Variants in STAB1 observed in about 807,000 individuals in gnomAD.
STAB1 encodes stabilin 1.
In STAB1, 250 loss-of-function variants were observed where a neutral mutation model predicts 332.4. That is an observed-to-expected ratio of 0.75 (90% CI 0.68 to 0.84). STAB1 has a LOEUF of 0.84. Among genes scored for constraint, STAB1 ranks in the 40% least tolerant of loss-of-function variants. STAB1 has a pLI of 0.00. For missense variants in STAB1, 3,249 were observed against 3,489.7 expected (o/e 0.93, Z 1.74); for synonymous variants, 1,475 against 1,390.4 (o/e 1.06, Z -1.35).
chr3:52,507,572 A>G, intron 18 of STAB1, 41 bp from the exon 19 acceptor site: 1 of 1,590,386 alleles, frequency 6.3e-7, no homozygotes, highest in Non-Finnish European at 8.6e-7. Context: ...TAAATAAACA[A>G]TGACTAACCC....
At chr3:52,497,715 G>A (rs957887445) in intron 1 of STAB1, among the ~76,000 whole-genome samples, 28 of 152,138 alleles carry the variant, frequency 1.8e-4, no homozygotes, top group African/African-American at 6.3e-4. Flanking sequence ...TCCCAGCCTC[G>A]ATTCCATTTT....
rs770749097 is a variant in STAB1, at chr3:52,515,415, G to A, written c.3865-8G>A. 44 of 1,612,440 alleles carry A rather than the reference G, an allele frequency of 2.7e-5. No individual in the cohort carries two copies. Among genetic ancestry groups the A allele is most frequent in the South Asian group, 1.1e-4 (10 of 91,074 alleles). On this transcript the variant is annotated splice_region_variant and splice_polypyrimidine_tract_variant and intron_variant, in intron 36 of 68. Transcript: ENST00000321725. ...TGGCTGACCCCTCCTGCCTGTCCCC[G>A]TTTCCAGGACACACCCAGGAAGAGC...
In STAB1 at chr3:52,516,460, G is replaced by A. The variant is rs774994254; in HGVS notation, c.4240+9G>A. 1.2e-5 allele frequency: 19 copies of A among 1,613,502 alleles called. No individual in the cohort carries two copies. In the South Asian group the frequency reaches 2.0e-4, roughly 17 times the overall value. ...CCTCCGCTGTGACCAGAGTGAGTGGGTCCCAATGGGGAGGGGGCAGGTGGC... is the reference window on the plus strand; with the variant it reads ...CCTCCGCTGTGACCAGAGTGAGTGGATCCCAATGGGGAGGGGGCAGGTGGC... On this transcript the variant is annotated intron_variant, in intron 39 of 68. Coordinates refer to ENST00000321725, the MANE Select transcript of STAB1 (RefSeq NM_015136.3).
At chr3:52,501,343 C>T in intron 2 of STAB1, 41 bp downstream of exon 2, 1 of 1,597,154 alleles carries the variant, frequency 6.3e-7, no homozygotes, top group Non-Finnish European at 8.6e-7. Context: ...CAGGAGCATC[C>T]TGTGGGGTGG....
At chr3:52,515,936 G>A (rs1313759712) in intron 37 of STAB1, 107 bp from the exon 38 acceptor site, 1 of 1,276,306 alleles carries the variant, frequency 7.8e-7, no homozygotes, top group African/African-American at 1.5e-5. Context: ...CTGGGGTTCT[G>A]AGGGGTTTTG....
chr3:52,513,609 G>T, intron 30 of STAB1, 108 bp from the exon 31 acceptor site: 1 of 1,164,042 alleles, frequency 8.6e-7, no homozygotes, highest in Non-Finnish European at 1.2e-6. Flanking sequence ...CCAGCCTGCG[G>T]ACCACCTGTG....
rs776503035 is a variant in STAB1 at position 52,512,943 on chromosome 3, T to A, written c.3143T>A (p.Leu1048Gln). 1 of 1,610,442 alleles carries A rather than the reference T, an allele frequency of 6.2e-7. No homozygotes were observed. The highest frequency in any genetic ancestry group is 2.2e-5 in the East Asian group (1 of 44,826). The change falls in exon 29 of 69, where the codon CTG (leucine) becomes CAG (glutamine). Residue 1048 changes from leucine (L) to glutamine (Q), a missense_variant. Leu to Gln is a moderately radical substitution (Grantham distance 113, BLOSUM62 -2). Transcript: ENST00000321725. ...GCTTTCTGGCTGCAGCCAAGGACGC[T>A]GCCGAACCTGGTCAGGTGGGGCCGC... ...DRAFWLQPRT[L>Q]PNLVRAHFLQ... is the part of the protein sequence containing the mutation.
intron 18 of STAB1, among the ~76,000 whole-genome samples, chr3:52,507,282 T>C (rs991673356): frequency 2.0e-5 from 3 of 152,188 alleles, no homozygotes; most frequent in Admixed American, 2.0e-4. Context: ...TGACCTCAGG[T>C]GATCCGCCCA....
rs144421295 is a variant in STAB1 at position 52,520,227 on chromosome 3, C to G, written c.5436C>G (p.Asn1812Lys). The G allele has an allele frequency of 6.2e-7, 1 of 1,613,180 alleles. No homozygotes were observed. The highest frequency in any genetic ancestry group is 8.5e-7 in the Non-Finnish European group (1 of 1,180,030). Residue 1812 changes from asparagine (N) to lysine (K), a missense_variant, in exon 52 of 69, where the codon AAC becomes AAG. Physicochemically the swap from Asn to Lys is moderately conservative, Grantham distance 94. Coordinates refer to ENST00000321725, the MANE Select transcript of STAB1 (RefSeq NM_015136.3). ...NVEALASDLP[N>K]LGPLRTMHGT... ...AGGCCTTGGCATCTGACCTGCCCAA[C>G]CTGGGCCCACTTCGAACCATGCATG... is the stretch of plus-strand genomic sequence containing the variant.
chr3:52,502,374 T>C lies in STAB1; in HGVS notation c.487+146T>C, dbSNP rs1042298187. ...ACATCCCTTTCAGGAACATGTGCTT[T>C]GTTTTATCACACCTCCAGCCCTTTG... On this transcript the variant is annotated intron_variant, in intron 5 of 68. Coordinates refer to ENST00000321725, the MANE Select transcript of STAB1 (RefSeq NM_015136.3). 84 of 978,482 alleles carry C rather than the reference T, an allele frequency of 8.6e-5. 1 individual carries two copies. Among genetic ancestry groups the C allele is most frequent in the Non-Finnish European group, 1.2e-4 (78 of 656,470 alleles). 60.6% of individuals were successfully genotyped at this position (978,482 alleles called of 1,614,324 possible).
chr3:52,514,395 C>T lies in STAB1; in HGVS notation c.3577C>T (p.Leu1193=), dbSNP rs773078224. Residue 1193 remains leucine (L), a synonymous_variant, in exon 34 of 69, where the codon CTG becomes TTG. Transcript: ENST00000321725. The part of the protein sequence containing the change: ...DADTVRHHVV[L]GEALSMETLR... ...AGACACAGTGCGGCACCATGTGGTC[C>T]TGGGGGAGGCCCTCTCCATGGAAAC... 2 of 1,551,092 alleles carry T rather than the reference C, an allele frequency of 1.3e-6. No homozygotes were observed. Among genetic ancestry groups the T allele is most frequent in the South Asian group, 1.2e-5 (1 of 80,280 alleles).
Position 52,523,898 on chromosome 3 carries a change from C to T in STAB1, c.7423C>T (p.Pro2475Ser), listed in dbSNP as rs1317311409. 3 of 1,606,424 alleles carry T rather than the reference C, an allele frequency of 1.9e-6. No homozygotes were observed. Among genetic ancestry groups the T allele is most frequent in the Non-Finnish European group, 2.5e-6 (3 of 1,178,256 alleles). Residue 2475 changes from proline to serine, a missense_variant, in exon 67 of 69, where the codon CCT becomes TCT. Pro to Ser is a moderately conservative substitution (Grantham distance 74, BLOSUM62 -1). Coordinates refer to ENST00000321725, the MANE Select transcript of STAB1 (RefSeq NM_015136.3). ...PQAVLAPEAP[P>S]VAAGVGAVLA... ...GGCAGTGCTGGCGCCTGAAGCCCCA[C>T]CTGTGGCGGCAGGCGTGGGGGCTGT...
chr3:52,509,154 G>A (rs1709102908), intron 21 of STAB1, 56 bp from the exon 22 acceptor site: 2 of 1,508,864 alleles, frequency 1.3e-6, no homozygotes, highest in African/African-American at 2.7e-5. Context: ...TGTTGGGAGA[G>A]GGGATGTAGA....
chr3:52,512,684 A>C, intron 28 of STAB1, 41 bp downstream of exon 28: 1 of 1,613,246 alleles, frequency 6.2e-7, no homozygotes, highest in South Asian at 1.1e-5. Flanking sequence ...GCTCAAATCC[A>C]GGAGGCCTGC....
In STAB1 at chr3:52,519,556, C is replaced by T. The variant is rs371689111; in HGVS notation, c.5227C>T (p.Leu1743Phe). 11 of 1,613,192 alleles carry T rather than the reference C, an allele frequency of 6.8e-6. No homozygotes were observed. Among genetic ancestry groups the T allele is most frequent in the Non-Finnish European group, 8.5e-6 (10 of 1,180,016 alleles). The part of the protein sequence containing the change: ...QGFGYKIFSG[L>F]LKVAGLLPLL... ...CTTCGGTTACAAGATCTTCAGCGGC[C>T]TCCTGAAGGTACTGCTCCCGTGTGG... The change falls in exon 50 of 69, where the codon CTC becomes TTC. Residue 1743 changes from leucine (L) to phenylalanine (F), a missense_variant. By Grantham distance (22) the Leu-to-Phe change is conservative. Transcript: ENST00000321725.
At chr3:52,518,197 C>T (rs1167028007) in intron 45 of STAB1, 115 bp from the exon 46 acceptor site, 50 of 1,546,424 alleles carry the variant, frequency 3.2e-5, no homozygotes, top group Middle Eastern at 2.0e-4. Flanking sequence ...TCAGACCCCG[C>T]GGCTTTCCTT....
chr3:52,515,573 G>A, intron 37 of STAB1, 67 bp downstream of exon 37: 1 of 1,539,252 alleles, frequency 6.5e-7, no homozygotes, highest in Admixed American at 1.7e-5. Flanking sequence ...TGGGGGCCCA[G>A]GGAGGAGCCC....
At chr3:52,513,100 C>G (rs41292854) in intron 29 of STAB1, 30 bp from the exon 30 acceptor site, 7 of 1,554,604 alleles carry the variant, frequency 4.5e-6, no homozygotes, top group Non-Finnish European at 6.1e-6. Context: ...TAACCTGATT[C>G]CATGACCCCC....
chr3:52,516,158 A>T lies in STAB1; in HGVS notation c.4064A>T (p.Glu1355Val). The T allele has an allele frequency of 6.2e-7, 1 of 1,611,488 alleles. No homozygotes were observed. The highest frequency in any genetic ancestry group is 8.5e-7 in the Non-Finnish European group (1 of 1,179,594). Residue 1355 changes from glutamate to valine, a missense_variant, in exon 38 of 69, where the codon GAG becomes GTG. Coordinates refer to ENST00000321725, the MANE Select transcript of STAB1 (RefSeq NM_015136.3). ...CAGGACAGGTTCCTGGGCAGCGGGG[A>T]GTGCCACTGCCACGAGGGCTTCCAT... is the stretch of plus-strand genomic sequence containing the variant. Reference protein sequence around the residue: ...QCQDRFLGSGECHCHEGFHGT... With the variant: ...QCQDRFLGSGVCHCHEGFHGT...
Sources: allele counts gnomAD v4.1 joint callset (sites outside exome capture counted in the v4.1 genomes callset), GRCh38; gene constraint gnomAD v4.1.1; transcripts MANE v1.5; gene names NCBI Gene and HGNC (gene_info 2026-07-23, HGNC 2026-07-21).